The following TLL2 variants were observed in gnomAD, a reference collection of about 807,000 sequenced individuals.
TLL2 encodes tolloid like 2.
In TLL2, 106 loss-of-function variants were observed where a neutral mutation model predicts 123.0. That is an observed-to-expected ratio of 0.86 (90% CI 0.74 to 1.01). The LOEUF (loss-of-function observed/expected upper bound fraction) is 1.01, where lower values mean the gene tolerates loss of function less well. Among genes scored for constraint, TLL2 ranks in the 50% least tolerant of loss-of-function variants. TLL2 has a pLI of 0.00. For synonymous variants in TLL2, 494 were observed against 516.8 expected (o/e 0.96, Z 0.60); for missense variants, 1,332 against 1,336.7 (o/e 1.00, Z 0.06).
At chr10:96,380,205 G>A (rs757099255) in intron 16 of TLL2, among the ~76,000 whole-genome samples, 1 of 152,218 alleles carries the variant, frequency 6.6e-6, no homozygotes, top group South Asian at 2.1e-4. Context: ...TTAAACTTGT[G>A]GTCCTTGTAT....
At chr10:96,429,940 T>G (rs543384369) in intron 4 of TLL2, among the ~76,000 whole-genome samples, 3 of 152,350 alleles carry the variant, frequency 2.0e-5, no homozygotes, top group East Asian at 1.9e-4. Context: ...GAAGGAAGAC[T>G]GTTTAAATTT....
intron 13 of TLL2, 82 bp from the exon 14 acceptor site, chr10:96,387,160 C>A: frequency 6.4e-7 from 1 of 1,562,858 alleles, no homozygotes; most frequent in South Asian, 1.1e-5. Flanking sequence ...CCCAGTGTCA[C>A]CAGCAAGTGT....
At chr10:96,444,380 G>C (rs1470474635) in intron 3 of TLL2, among the ~76,000 whole-genome samples, 2 of 152,210 alleles carry the variant, frequency 1.3e-5, no homozygotes, top group African/African-American at 4.8e-5. Context: ...ATCCATATCA[G>C]TAATATCTAC....
At chr10:96,481,749 C>T (rs530299219) in intron 1 of TLL2, among the ~76,000 whole-genome samples, 6 of 152,076 alleles carry the variant, frequency 3.9e-5, no homozygotes, top group Admixed American at 1.3e-4. Context: ...TGACAAGGTT[C>T]TACAAGAAAG....
chr10:96,387,728 G>C (rs1407729150), intron 13 of TLL2, among the ~76,000 whole-genome samples: 3 of 152,264 alleles, frequency 2.0e-5, no homozygotes, highest in East Asian at 3.9e-4. Context: ...TCAGCACCAA[G>C]GGCCTAGTGA....
At chr10:96,399,258 G>T (rs893863278) in intron 10 of TLL2, among the ~76,000 whole-genome samples, 21 of 152,178 alleles carry the variant, frequency 1.4e-4, no homozygotes, top group Non-Finnish European at 2.9e-4. Flanking sequence ...ATGGTGAATT[G>T]TATGGTCCAG....
At chr10:96,421,212 T>C in intron 6 of TLL2, 151 bp from the exon 7 acceptor site, 1 of 610,296 alleles carries the variant, frequency 1.6e-6, no homozygotes, top group Non-Finnish European at 2.9e-6. Context: ...TCTTGTTGTT[T>C]TTAATAATTA....
intron 1 of TLL2, among the ~76,000 whole-genome samples, chr10:96,505,510 C>T (rs544143010): frequency 6.6e-6 from 1 of 152,212 alleles, no homozygotes; most frequent in African/African-American, 2.4e-5. Context: ...ATTCTAAGTG[C>T]TTTCTCTGTA....
At chr10:96,511,550 G>A (rs1262966253) in intron 1 of TLL2, among the ~76,000 whole-genome samples, 1 of 152,214 alleles carries the variant, frequency 6.6e-6, no homozygotes, top group Non-Finnish European at 1.5e-5. Context: ...CATTCTGTCT[G>A]TGAAGAATCA....
chr10:96,459,755 T>C (rs1161095963), intron 2 of TLL2, among the ~76,000 whole-genome samples: 1 of 115,450 alleles, frequency 8.7e-6, no homozygotes, highest in African/African-American at 3.3e-5. Context: ...AAAAGACACA[T>C]GGATTGCTGG....
chr10:96,404,565 G>A (rs1468648195), intron 10 of TLL2, among the ~76,000 whole-genome samples: 1 of 152,034 alleles, frequency 6.6e-6, no homozygotes, highest in East Asian at 1.9e-4. Context: ...CTGTACACAT[G>A]TTTTAAGTCA....
chr10:96,406,964 C>G (rs1486986101), intron 9 of TLL2, among the ~76,000 whole-genome samples: 3 of 152,086 alleles, frequency 2.0e-5, no homozygotes, highest in East Asian at 1.9e-4. Context: ...TGCCTCACCC[C>G]CTCCTGGATT....
At chr10:96,505,802 A>G (rs1847572447) in intron 1 of TLL2, among the ~76,000 whole-genome samples, 1 of 152,176 alleles carries the variant, frequency 6.6e-6, no homozygotes, top group African/African-American at 2.4e-5. Flanking sequence ...AGCACTGTAT[A>G]TTTCATATTT....
intron 7 of TLL2, among the ~76,000 whole-genome samples, chr10:96,415,172 T>C (rs1293869254): frequency 2.0e-5 from 3 of 152,228 alleles, no homozygotes; most frequent in Non-Finnish European, 4.4e-5. Flanking sequence ...CCAGCCTGAC[T>C]CTTTAATCCC....
chr10:96,412,537 A>T (rs1846516895), intron 8 of TLL2, among the ~76,000 whole-genome samples: 2 of 152,206 alleles, frequency 1.3e-5, no homozygotes, highest in Admixed American at 1.3e-4. Context: ...GGGATGGAAG[A>T]CAAACGGGAC....
chr10:96,446,126 G>A lies in TLL2; in HGVS notation c.329C>T (p.Thr110Ile). The A allele has an allele frequency of 1.2e-6, 2 of 1,614,186 alleles. No homozygotes were observed. The highest frequency in any genetic ancestry group is 1.7e-6 in the Non-Finnish European group (2 of 1,180,028). The change falls in exon 3 of 21, where the codon ACA (threonine) becomes ATA (isoleucine). Residue 110 changes from threonine (T) to isoleucine (I), a missense_variant. Transcript: ENST00000357947. The stretch of plus-strand genomic sequence containing the variant: ...TTCCTTGGTGCCAGTGTCCATGGCT[G>A]TGGTGTCTGGGCTGCTCTCAGATGC... ...EQASESSPDT[T>I]AMDTGTKEAG... is the part of the protein sequence containing the mutation.
intron 3 of TLL2, among the ~76,000 whole-genome samples, chr10:96,441,477 A>G (rs571861124): frequency 6.6e-6 from 1 of 152,206 alleles, no homozygotes; most frequent in Non-Finnish European, 1.5e-5. Flanking sequence ...TTGGCCTTAG[A>G]GTGGAGTCAA....
intron 2 of TLL2, among the ~76,000 whole-genome samples, chr10:96,476,216 T>TCATATATATATATATATA (rs1554939587): frequency 3.0e-5 from 1 of 33,334 alleles, no homozygotes; most frequent in African/African-American, 8.7e-5. Context: ...CTTTTTAATT[T>TCATATATATATATATATA]TATATGTATA....
At chr10:96,387,875 G>A (rs577406246) in intron 13 of TLL2, among the ~76,000 whole-genome samples, 2 of 152,294 alleles carry the variant, frequency 1.3e-5, no homozygotes, top group Admixed American at 1.3e-4. Context: ...CAAAACACAT[G>A]TTAGAAATAA....
Sources: gnomAD v4.1 joint callset for allele counts (sites outside exome capture counted in the v4.1 genomes callset) on GRCh38, gnomAD v4.1.1 for gene constraint, MANE v1.5 for transcripts, NCBI Gene and HGNC (gene_info 2026-07-23, HGNC 2026-07-21) for gene names.